The following RALYL variants were observed in gnomAD, a reference collection of about 807,000 sequenced individuals.
RALYL encodes RALY RNA binding protein like.
Under a neutral mutation model 35.1 loss-of-function variants are expected in RALYL, and 29 were observed. The ratio of observed to expected loss-of-function variants is 0.83; its 90% CI spans 0.61 to 1.13. RALYL has a LOEUF of 1.13. Among genes scored for constraint, RALYL ranks in the 50% most tolerant of loss-of-function variants. RALYL has a pLI of 0.00. For synonymous variants in RALYL, 120 were observed against 127.6 expected, an observed-to-expected ratio of 0.94 and a Z score of 0.40; for missense variants, 359 against 360.4, an observed-to-expected ratio of 1.00 and a Z score of 0.03.
Position 84,469,217 on chromosome 8 carries a change from C to G in RALYL, c.-23-60082C>G, listed in dbSNP as rs566830378. On this transcript the variant is annotated intron_variant, in intron 1 of 8. Transcript: ENST00000521268. Reference sequence around the variant, plus strand: ...GTGTTCCTTTGGAGGAGGAGAGGCTCTCTGCTTTTTAGAGTTTCCAGTTTT... The same window carrying G: ...GTGTTCCTTTGGAGGAGGAGAGGCTGTCTGCTTTTTAGAGTTTCCAGTTTT... Among the ~76,000 whole-genome samples the G allele has an allele frequency of 4.6e-5, 7 of 152,286 alleles. No individual in the cohort carries two copies. The East Asian group carries it at 9.7e-4, about 21-fold the overall frequency.
chr8:84,632,238 TAAG>T (rs1267061917), intron 2 of RALYL, among the ~76,000 whole-genome samples: 2 of 151,936 alleles, frequency 1.3e-5, no homozygotes, highest in Non-Finnish European at 2.9e-5. Context: ...TCCAGAACTG[TAAG>T]AAATAGAAAT....
At chr8:84,198,079 T>C (rs1314805140) in intron 1 of RALYL, among the ~76,000 whole-genome samples, 1 of 152,140 alleles carries the variant, frequency 6.6e-6, no homozygotes, top group Non-Finnish European at 1.5e-5. Context: ...ATGTACACAC[T>C]CTTTAGTAGG....
At chr8:84,828,871 C>G (rs1227689820) in intron 4 of RALYL, 1 of 152,980 alleles carries the variant, frequency 6.5e-6, no homozygotes, top group Non-Finnish European at 1.5e-5. Flanking sequence ...CATAATGAAC[C>G]ACAGATTTCT....
intron 4 of RALYL, among the ~76,000 whole-genome samples, chr8:84,831,201 C>G (rs1830847888): frequency 6.6e-6 from 1 of 151,898 alleles, no homozygotes; most frequent in Admixed American, 6.6e-5. Context: ...CTAAATGAGG[C>G]ATTTAGAATT....
Position 84,529,335 on chromosome 8 carries a change from C to T in RALYL, c.14C>T (p.Thr5Ile). The T allele has an allele frequency of 4.4e-6, 7 of 1,575,870 alleles. No homozygotes were observed. Among genetic ancestry groups the T allele is most frequent in the Non-Finnish European group, 6.0e-6 (7 of 1,158,772 alleles). MTGK[T>I]QTSNVTNKND... ...GGAGAGCCAATCATGACTGGCAAAACACAGACCAGCAACGTCACCAATAAG... is the reference window on the plus strand; with the variant it reads ...GGAGAGCCAATCATGACTGGCAAAATACAGACCAGCAACGTCACCAATAAG... Residue 5 changes from threonine (T) to isoleucine (I), a missense_variant, in exon 2 of 9, where the codon ACA (threonine) becomes ATA (isoleucine). Coordinates refer to ENST00000521268, the MANE Select transcript of RALYL (RefSeq NM_173848.7).
At chr8:84,457,074 TC>T (rs1270450092) in intron 1 of RALYL, among the ~76,000 whole-genome samples, 19 of 151,960 alleles carry the variant, frequency 1.3e-4, no homozygotes, top group African/African-American at 4.3e-4. Flanking sequence ...TCTAATTTTT[TC>T]CCCCTTTTCA....
At chr8:84,223,716 A>G (rs769742788) in intron 1 of RALYL, among the ~76,000 whole-genome samples, 10 of 152,326 alleles carry the variant, frequency 6.6e-5, no homozygotes, top group South Asian at 2.1e-4. Flanking sequence ...TTTAAGCTGC[A>G]CAGATGCTGC....
At chr8:84,841,326 T>C (rs1254846682) in intron 4 of RALYL, among the ~76,000 whole-genome samples, 3 of 152,008 alleles carry the variant, frequency 2.0e-5, no homozygotes, top group Non-Finnish European at 2.9e-5. Flanking sequence ...TCCTAGTCTC[T>C]GATAAAACAG....
chr8:84,852,057 C>G (rs1202552923), intron 5 of RALYL, among the ~76,000 whole-genome samples: 1 of 152,100 alleles, frequency 6.6e-6, no homozygotes, highest in Non-Finnish European at 1.5e-5. Context: ...AGTCATTTTC[C>G]GAAGGTCACC....
At chr8:84,657,912 C>A (rs1264230815) in intron 2 of RALYL, among the ~76,000 whole-genome samples, 2 of 152,082 alleles carry the variant, frequency 1.3e-5, no homozygotes, top group African/African-American at 4.8e-5. Context: ...GTTAAGTACA[C>A]CTATGAGAAA....
intron 4 of RALYL, among the ~76,000 whole-genome samples, chr8:84,815,586 G>T (rs892257592): frequency 8.6e-5 from 13 of 151,278 alleles, no homozygotes; most frequent in Admixed American, 5.3e-4. Flanking sequence ...TTAAGTTTGG[G>T]GGCTCATATT....
chr8:84,751,274 C>G (rs1417478380), intron 2 of RALYL, among the ~76,000 whole-genome samples: 1 of 152,056 alleles, frequency 6.6e-6, no homozygotes, highest in Admixed American at 6.6e-5. Flanking sequence ...GTGGCATGAT[C>G]TTGGCTCACT....
At chr8:84,320,765 A>G (rs1844652696) in intron 1 of RALYL, among the ~76,000 whole-genome samples, 1 of 152,058 alleles carries the variant, frequency 6.6e-6, no homozygotes, top group African/African-American at 2.4e-5. Context: ...GGTTCATGCA[A>G]ATAAAGTAGA....
chr8:84,457,853 T>G (rs2133323737), intron 1 of RALYL, among the ~76,000 whole-genome samples: 1 of 151,964 alleles, frequency 6.6e-6, no homozygotes, highest in African/African-American at 2.4e-5. Flanking sequence ...CTTGTATTAT[T>G]ACTCCTTACC....
intron 1 of RALYL, among the ~76,000 whole-genome samples, chr8:84,393,271 T>C (rs1424299218): frequency 2.6e-5 from 4 of 152,040 alleles, no homozygotes; most frequent in East Asian, 1.9e-4. Flanking sequence ...TACATAGTCG[T>C]TGGCAGAATT....
At chr8:84,385,278 G>A (rs1013764445) in intron 1 of RALYL, among the ~76,000 whole-genome samples, 2 of 151,756 alleles carry the variant, frequency 1.3e-5, no homozygotes, top group African/African-American at 4.8e-5. Flanking sequence ...ATTAAATGGA[G>A]GAAGTTAAAT....
chr8:84,615,119 C>A (rs905553966), intron 2 of RALYL, among the ~76,000 whole-genome samples: 6 of 151,624 alleles, frequency 4.0e-5, no homozygotes, highest in African/African-American at 1.2e-4. Flanking sequence ...TTAAGCAGCA[C>A]TTTTTCATGA....
chr8:84,586,945 A>T (rs1461714385), intron 2 of RALYL, among the ~76,000 whole-genome samples: 1 of 152,162 alleles, frequency 6.6e-6, no homozygotes, highest in Admixed American at 6.5e-5. Flanking sequence ...AAAGAGCAAC[A>T]TGGGTGTCTC....
intron 1 of RALYL, among the ~76,000 whole-genome samples, chr8:84,392,561 G>A (rs73688492): frequency 6.4e-4 from 98 of 152,148 alleles, no homozygotes; most frequent in African/African-American, 2.2e-3. Context: ...ATTTTAGAAA[G>A]TATTAAGCTA....
Sources: gnomAD v4.1 joint callset for allele counts (sites outside exome capture counted in the v4.1 genomes callset) on GRCh38, gnomAD v4.1.1 for gene constraint, MANE v1.5 for transcripts, NCBI Gene and HGNC (gene_info 2026-07-23, HGNC 2026-07-21) for gene names.